Variants in SMC2 observed in about 807,000 individuals in gnomAD.
The protein encoded by SMC2 is structural maintenance of chromosomes 2.
Under a neutral mutation model 142.6 loss-of-function variants are expected in SMC2, and 41 were observed. The ratio of observed to expected loss-of-function variants is 0.29; its 90% CI spans 0.22 to 0.37. The LOEUF is 0.37. Among genes scored for constraint, SMC2 ranks in the 10% least tolerant of loss-of-function variants. SMC2 has a pLI of 1.00. For synonymous variants in SMC2, 463 were observed against 457.5 expected (o/e 1.01, Z -0.15); for missense variants, 1,265 against 1,373.7 (o/e 0.92, Z 1.25).
At chr9:104,107,844 C>T (rs1000297002) in intron 9 of SMC2, among the ~76,000 whole-genome samples, 3 of 152,150 alleles carry the variant, frequency 2.0e-5, no homozygotes, top group Non-Finnish European at 4.4e-5. Flanking sequence ...AAGAAAGTAG[C>T]GTCTTATTCT....
rs1830727822 is a variant in SMC2 at position 104,098,480 on chromosome 9, A to G, written c.353A>G (p.Asn118Ser). ...GGTGGTAGAAATAAATATTTAATCA[A>G]TGGAGTCAATGCCAACAACACCAGA... ...VIGGRNKYLI[N>S]GVNANNTRVQ... Residue 118 changes from asparagine (N) to serine (S), a missense_variant, in exon 4 of 25, where the codon AAT (asparagine) becomes AGT (serine). By Grantham distance (46) the Asn-to-Ser change is conservative. Around this residue, in one of 4 missense-constraint regions of SMC2, gnomAD observed 168 missense variants for 184.8 expected, o/e 0.91. Coordinates refer to ENST00000374793, the MANE Select transcript of SMC2 (RefSeq NM_006444.3). The G allele has an allele frequency of 1.3e-6, 2 of 1,595,068 alleles. No individual in the cohort carries two copies. The highest frequency in any genetic ancestry group is 2.3e-5 in the South Asian group (2 of 86,816).
chr9:104,096,861 C>T (rs1431848304), intron 3 of SMC2, among the ~76,000 whole-genome samples: 1 of 152,130 alleles, frequency 6.6e-6, no homozygotes, highest in Non-Finnish European at 1.5e-5. Context: ...CTGATTATAC[C>T]AAGTATGCTC....
intron 13 of SMC2, among the ~76,000 whole-genome samples, chr9:104,115,747 T>G (rs1361960136): frequency 6.7e-6 from 1 of 150,288 alleles, no homozygotes; most frequent in Non-Finnish European, 1.5e-5. Flanking sequence ...TTTCAGTATA[T>G]AGTATTAATT....
At chr9:104,118,887 A>G (rs573872324) in intron 15 of SMC2, among the ~76,000 whole-genome samples, 74 of 152,290 alleles carry the variant, frequency 4.9e-4, no homozygotes, top group East Asian at 2.5e-3. Flanking sequence ...GCCCTATTCT[A>G]TGGGCTTTAA....
Position 104,099,676 on chromosome 9 carries a change from TC to T in SMC2, c.476del (p.Pro159GlnfsTer6). On this transcript the variant is annotated frameshift_variant, in exon 5 of 25. Transcript: ENST00000374793. LOFTEE classifies it high-confidence loss of function. ...RITKVLNMKPPEILSMIEEAA... is the reference protein window; with the variant it reads ...RITKVLNMKPXEILSMIEEAA... ...TTACAAAAGTATTGAATATGAAACC[TC>T]CAGAGGTAAGAGTACTATTTATGGA... 1 of 1,563,538 alleles carries T rather than the reference TC, an allele frequency of 6.4e-7. No homozygotes were observed. Among genetic ancestry groups the T allele is most frequent in the Non-Finnish European group, 8.8e-7 (1 of 1,134,964 alleles).
Position 104,114,446 on chromosome 9 carries a change from TAGGG to T in SMC2, c.1533-243_1533-240del, listed in dbSNP as rs535342990. Among the ~76,000 whole-genome samples the T allele has an allele frequency of 2.5e-4, 38 of 152,308 alleles. No individual in the cohort carries two copies. The South Asian group carries it at 7.7e-3, about 31-fold the overall frequency. ...ATATTTACAGTAATCATATGTATTA[TAGGG>T]ATTAGAACATCAGAGTTGTTCTTAC... On this transcript the variant is annotated intron_variant, in intron 12 of 24. Transcript: ENST00000374793.
rs1329470932 is a variant in SMC2, at chr9:104,120,112, G to A, written c.2082G>A (p.Glu694=). ...ATGAACTGAGAATCAAAGAGAATGA[G>A]CTGCGGGCTCTAGAAGAGGAATTAG... is the stretch of plus-strand genomic sequence containing the variant. ...VQDELRIKEN[E]LRALEEELAG... is the part of the protein sequence containing the mutation. Residue 694 remains glutamate, a synonymous_variant, in exon 16 of 25, where the codon GAG becomes GAA. Coordinates refer to ENST00000374793, the MANE Select transcript of SMC2 (RefSeq NM_006444.3). The A allele has an allele frequency of 9.9e-6, 16 of 1,613,874 alleles. No individual in the cohort carries two copies. The highest frequency in any genetic ancestry group is 1.4e-5 in the Non-Finnish European group (16 of 1,179,860).
chr9:104,099,912 T>C (rs113235272), intron 5 of SMC2, among the ~76,000 whole-genome samples, 181 bp from the exon 6 acceptor site: 8,614 of 152,132 alleles, frequency 0.057, 653 homozygotes, highest in African/African-American at 0.18. Flanking sequence ...AATTCATTCC[T>C]ACAGAAAAAG....
chr9:104,097,339 C>A (rs1412658120), intron 3 of SMC2, among the ~76,000 whole-genome samples: 1 of 151,436 alleles, frequency 6.6e-6, no homozygotes, highest in East Asian at 1.9e-4. Context: ...ATCTCCTGAC[C>A]TCATGATCTG....
At position 104,141,226 on chromosome 9, in the gene SMC2, G is replaced by A. The variant is rs1488114747; in HGVS notation, c.*1911G>A. On this transcript the variant is annotated 3_prime_UTR_variant, in exon 25 of 25. Transcript: ENST00000374793. ...GTAACCTAGTGAGGTAAATACTGTT[G>A]TTGTCAGCATGGTGTAATCGAGGAA... The A allele has an allele frequency of 6.6e-6, 1 of 152,144 alleles. No homozygotes were observed. The highest frequency in any genetic ancestry group is 1.5e-5 in the Non-Finnish European group (1 of 68,030). The allele number at this position is 152,144 out of a possible 1,614,324, so 9.4% of individuals were successfully genotyped here. A position where few individuals can be genotyped will look rare whatever the true frequency, so the allele number is the denominator to read the frequency against.
chr9:104,134,638 C>A, intron 23 of SMC2, 63 bp downstream of exon 23: 1 of 1,143,148 alleles, frequency 8.7e-7, no homozygotes, highest in South Asian at 2.0e-5. Flanking sequence ...ATCTCCTTAC[C>A]TTAAAACTGT....
At chr9:104,109,412 C>G (rs1832172972) in intron 9 of SMC2, among the ~76,000 whole-genome samples, 1 of 152,090 alleles carries the variant, frequency 6.6e-6, no homozygotes, top group African/African-American at 2.4e-5. Flanking sequence ...TTTTTGTTAC[C>G]TCCATTACTG....
intron 9 of SMC2, among the ~76,000 whole-genome samples, chr9:104,102,865 A>T (rs1831322386): frequency 1.3e-5 from 2 of 151,790 alleles, no homozygotes; most frequent in South Asian, 4.2e-4. Flanking sequence ...GGGGAAAAAG[A>T]GTACAATTTG....
At chr9:104,093,331 G>C (rs1046570939), upstream of SMC2, among the ~76,000 whole-genome samples, 10 of 152,088 alleles carry the variant, frequency 6.6e-5, no homozygotes, top group Admixed American at 2.0e-4. Flanking sequence ...AATAGGATCG[G>C]CTAATAATAC....
intron 7 of SMC2, among the ~76,000 whole-genome samples, chr9:104,101,703 A>G (rs1234405258): frequency 2.0e-5 from 3 of 152,188 alleles, no homozygotes; most frequent in Admixed American, 6.5e-5. Flanking sequence ...CCTTATGTCC[A>G]TATTTCTTTG....
At chr9:104,125,299 C>T (rs932656911) in intron 18 of SMC2, among the ~76,000 whole-genome samples, 194 bp downstream of exon 18, 2 of 151,926 alleles carry the variant, frequency 1.3e-5, no homozygotes, top group Non-Finnish European at 2.9e-5. Context: ...ATCCAAAATA[C>T]AAATTAGAAA....
intron 10 of SMC2, 81 bp downstream of exon 10, chr9:104,111,895 A>G (rs1370858724): frequency 2.0e-5 from 20 of 995,984 alleles, no homozygotes; most frequent in Admixed American, 2.7e-5. Flanking sequence ...CAATTGTTAC[A>G]TAATGTTGAA....
At chr9:104,105,006 C>T (rs1188874173) in intron 9 of SMC2, among the ~76,000 whole-genome samples, 1 of 152,196 alleles carries the variant, frequency 6.6e-6, no homozygotes, top group Non-Finnish European at 1.5e-5. Flanking sequence ...GTATTTGTGT[C>T]TCTGCGATAC....
At chr9:104,134,243 G>A (rs921039946) in intron 22 of SMC2, among the ~76,000 whole-genome samples, 172 bp from the exon 23 acceptor site, 2 of 152,074 alleles carry the variant, frequency 1.3e-5, no homozygotes, top group Non-Finnish European at 1.5e-5. Flanking sequence ...ACCGATAGAC[G>A]CTTTGTAAAT....
Sources: allele counts gnomAD v4.1 joint callset (sites outside exome capture counted in the v4.1 genomes callset), GRCh38; gene constraint gnomAD v4.1.1; regional missense constraint gnomAD v4.1.1; transcripts MANE v1.5; gene names NCBI Gene and HGNC (gene_info 2026-07-23, HGNC 2026-07-21).